Variants in NDUFS4 observed in about 807,000 individuals in gnomAD.
The protein encoded by NDUFS4 is NADH dehydrogenase [ubiquinone] iron-sulfur protein 4, mitochondrial.
Under a neutral mutation model 24.3 loss-of-function variants are expected in NDUFS4, and 28 were observed. The ratio of observed to expected loss-of-function variants is 1.15; its 90% confidence interval spans 0.85 to 1.58. NDUFS4 has a LOEUF of 1.58. Ranked by LOEUF, NDUFS4 falls within the 40% of genes most tolerant of loss-of-function variation. NDUFS4 has a pLI of 0.00. For missense variants in NDUFS4, 223 were observed against 207.9 expected (o/e 1.07, Z -0.45); for synonymous variants, 93 against 69.7 (o/e 1.34, Z -1.67).
At position 53,674,778 on chromosome 5, in the gene NDUFS4, T is replaced by G. The variant is rs377518860; in HGVS notation, c.425-8340T>G. Among the ~76,000 whole-genome samples the G allele has an allele frequency of 6.4e-3, 976 of 152,300 alleles. 6 individuals carry two copies. The highest frequency in any genetic ancestry group is 9.8e-3 in the Non-Finnish European group (664 of 68,022). ...TGGTTAATTGTAAGTTTACATTTTTTCTTGACTAAACATTAAACAAGTAAT... is the reference window on the plus strand; with the variant it reads ...TGGTTAATTGTAAGTTTACATTTTTGCTTGACTAAACATTAAACAAGTAAT... On this transcript the variant is annotated intron_variant, in intron 4 of 4. Transcript: ENST00000296684.
chr5:53,628,510 C>T (rs1751298317), intron 2 of NDUFS4, among the ~76,000 whole-genome samples: 1 of 152,078 alleles, frequency 6.6e-6, no homozygotes, highest in South Asian at 2.1e-4. Flanking sequence ...CTGTCTGGTT[C>T]TGGACTTTTT....
At chr5:53,660,334 C>A (rs557266599) in intron 4 of NDUFS4, among the ~76,000 whole-genome samples, 134 of 152,096 alleles carry the variant, frequency 8.8e-4, no homozygotes, top group East Asian at 3.1e-3. Flanking sequence ...TGAACTCATC[C>A]TTTTTTATGG....
chr5:53,656,669 TATA>T (rs941533900), intron 3 of NDUFS4, among the ~76,000 whole-genome samples: 1 of 152,158 alleles, frequency 6.6e-6, no homozygotes, highest in African/African-American at 2.4e-5. Flanking sequence ...CTGTCCATAT[TATA>T]GAAGTGCTTA....
intron 1 of NDUFS4, among the ~76,000 whole-genome samples, chr5:53,598,147 G>A (rs1029416511): frequency 6.6e-6 from 1 of 150,744 alleles, no homozygotes; most frequent in Admixed American, 6.7e-5. Context: ...CTCATTTATT[G>A]TTGGTGACAA....
chr5:53,682,333 T>TACTC (rs1457271729), intron 4 of NDUFS4, among the ~76,000 whole-genome samples: 1 of 152,050 alleles, frequency 6.6e-6, no homozygotes, highest in Admixed American at 6.6e-5. Context: ...AAAATATAAA[T>TACTC]ACTCAGAAGA....
intron 2 of NDUFS4, among the ~76,000 whole-genome samples, chr5:53,611,642 A>G (rs1335874093): frequency 6.6e-6 from 1 of 151,998 alleles, no homozygotes; most frequent in South Asian, 2.1e-4. Context: ...GATACTTCCT[A>G]CAGATACTAA....
intron 1 of NDUFS4, among the ~76,000 whole-genome samples, chr5:53,570,303 T>G (rs2112413001): frequency 6.6e-6 from 1 of 152,314 alleles, no homozygotes; most frequent in East Asian, 1.9e-4. Flanking sequence ...ATTGTCTTTT[T>G]TTATTCAGCC....
At chr5:53,664,010 T>G (rs1281468998) in intron 4 of NDUFS4, among the ~76,000 whole-genome samples, 4 of 152,222 alleles carry the variant, frequency 2.6e-5, no homozygotes, top group Non-Finnish European at 5.9e-5. Context: ...CTTCAAGAGC[T>G]CTTTTAGGGC....
intron 1 of NDUFS4, among the ~76,000 whole-genome samples, chr5:53,579,546 A>G (rs1248077135): frequency 6.6e-6 from 1 of 152,168 alleles, no homozygotes; most frequent in Non-Finnish European, 1.5e-5. Context: ...TGTCTCCAAA[A>G]AAGTAAAATC....
At position 53,658,560 on chromosome 5, in the gene NDUFS4, C is replaced by G. The variant is rs368876333; in HGVS notation, c.360C>G (p.Pro120=). ...AATTTGTTTCTTACAGGGCTGATCCCTTATCCAACATGGTTCTAACCTTCA... is the reference window on the plus strand; with the variant it reads ...AATTTGTTTCTTACAGGGCTGATCCGTTATCCAACATGGTTCTAACCTTCA... ...PLMGWASTAD[P]LSNMVLTFST... The change falls in exon 4 of 5, where the codon CCC becomes CCG. Residue 120 remains proline, a synonymous_variant. Coordinates refer to ENST00000296684, the MANE Select transcript of NDUFS4 (RefSeq NM_002495.4). 155 of 1,613,084 alleles carry G rather than the reference C, an allele frequency of 9.6e-5. No individual in the cohort carries two copies. Among genetic ancestry groups the G allele is most frequent in the Admixed American group, 2.0e-4 (12 of 59,964 alleles).
chr5:53,611,859 A>G (rs1750708308), intron 2 of NDUFS4, among the ~76,000 whole-genome samples: 1 of 152,012 alleles, frequency 6.6e-6, no homozygotes, highest in Non-Finnish European at 1.5e-5. Flanking sequence ...TTTTATATTC[A>G]CTTCAGCTAT....
chr5:53,650,274 G>A (rs1236426096), intron 3 of NDUFS4, among the ~76,000 whole-genome samples: 1 of 152,156 alleles, frequency 6.6e-6, no homozygotes, highest in Non-Finnish European at 1.5e-5. Context: ...GAGTGGTATA[G>A]AGGAGAAAAA....
At chr5:53,636,052 T>C (rs185004839) in intron 2 of NDUFS4, among the ~76,000 whole-genome samples, 5 of 152,302 alleles carry the variant, frequency 3.3e-5, no homozygotes, top group Admixed American at 6.5e-5. Context: ...GTTTTACTTA[T>C]TATTTATTTT....
chr5:53,561,487 T>C (rs2112399305), intron 1 of NDUFS4, among the ~76,000 whole-genome samples: 1 of 144,600 alleles, frequency 6.9e-6, no homozygotes, highest in East Asian at 2.1e-4. Context: ...GTTGTTACTG[T>C]TTTTCCTTGA....
intron 2 of NDUFS4, among the ~76,000 whole-genome samples, chr5:53,615,007 A>C (rs909678313): frequency 1.3e-5 from 2 of 151,926 alleles, no homozygotes; most frequent in Non-Finnish European, 2.9e-5. Flanking sequence ...AAAATTGCTT[A>C]TCTAATTTTT....
At chr5:53,588,641 TTAA>T (rs1307235485) in intron 1 of NDUFS4, among the ~76,000 whole-genome samples, 1 of 152,202 alleles carries the variant, frequency 6.6e-6, no homozygotes, top group Admixed American at 6.5e-5. Context: ...TTCATTATTC[TTAA>T]TGATGTGATC....
chr5:53,586,451 C>T (rs1487723957), intron 1 of NDUFS4, among the ~76,000 whole-genome samples: 1 of 151,924 alleles, frequency 6.6e-6, no homozygotes, highest in Non-Finnish European at 1.5e-5. Flanking sequence ...TTAGAACAGG[C>T]CATAGGTAGC....
At chr5:53,580,957 C>T (rs1022485609) in intron 1 of NDUFS4, among the ~76,000 whole-genome samples, 6 of 152,098 alleles carry the variant, frequency 3.9e-5, no homozygotes, top group Middle Eastern at 3.2e-3. Flanking sequence ...CCCCAGCCTC[C>T]CAAGTAGCTG....
chr5:53,614,783 A>T (rs1750795229), intron 2 of NDUFS4, among the ~76,000 whole-genome samples: 1 of 151,932 alleles, frequency 6.6e-6, no homozygotes, highest in Non-Finnish European at 1.5e-5. Context: ...ATCGTACTTG[A>T]CACTTGCTTT....
Sources: gnomAD v4.1 joint callset for allele counts (sites outside exome capture counted in the v4.1 genomes callset) on GRCh38, gnomAD v4.1.1 for gene constraint, MANE v1.5 for transcripts, NCBI Gene and HGNC (gene_info 2026-07-23, HGNC 2026-07-21) for gene names.